Variants in KCNN1 observed in about 807,000 individuals in gnomAD.
KCNN1 encodes potassium calcium-activated channel subfamily N member 1.
KCNN1 carries 20 observed loss-of-function variants against 44.7 expected under a neutral mutation model. The ratio of observed to expected loss-of-function variants is 0.45; its 90% CI spans 0.32 to 0.65. KCNN1 has a LOEUF of 0.65. Ranked by LOEUF, KCNN1 falls within the 30% of genes least tolerant of loss-of-function variation. The probability of loss-of-function intolerance (pLI) is 0.05; values close to 1 mark genes in which losing one functional copy is unlikely to be tolerated. For synonymous variants in KCNN1, 324 were observed against 341.7 expected (o/e 0.95, Z 0.57); for missense variants, 632 against 785.3 (o/e 0.80, Z 2.33).
chr19:17,998,273 C>G lies in KCNN1; in HGVS notation c.1499C>G (p.Pro500Arg). 6.4e-7 allele frequency: 1 copy of G among 1,556,708 alleles called. No individual in the cohort carries two copies. Among genetic ancestry groups the G allele is most frequent in the Non-Finnish European group, 8.7e-7 (1 of 1,154,940 alleles). The change falls in exon 10 of 10, where the codon CCT becomes CGT. Residue 500 changes from proline to arginine, a missense_variant. Pro to Arg is a moderately radical substitution (Grantham distance 103). This residue lies in a region of KCNN1 where 237 missense variants were observed against 253.0 expected (regional missense o/e 0.94). Transcript: ENST00000684775. The surrounding 1 kb of genome is among the most constrained non-coding windows in gnomAD (Gnocchi z 5.4). ...CTGGGTGCCTCTCTACAGGCCCTGC[C>G]TGGCCTCATCGCCCAAGCCATACGC... ...DALGASLQAL[P>R]GLIAQAIRPP...
Position 17,993,382 on chromosome 19 carries a change from A to C in KCNN1, c.1308-108A>C. ...CTCCCAACTCCCACCTCATCCTCTG[A>C]TGCATGTCCCATAGGTGACCCCGGG... is the stretch of plus-strand genomic sequence containing the variant. On this transcript the variant is annotated intron_variant, in intron 8 of 9. Transcript: ENST00000684775. This position sits in a 1 kb window ranked among gnomAD's most constrained non-coding sequence, Gnocchi z 4.5. 1 of 795,544 alleles carries C rather than the reference A, an allele frequency of 1.3e-6. No homozygotes were observed. 49.3% of individuals were successfully genotyped at this position (795,544 alleles called of 1,614,324 possible). A position where few individuals can be genotyped will look rare whatever the true frequency, so the allele number is the denominator to read the frequency against.
intron 3 of KCNN1, among the ~76,000 whole-genome samples, chr19:17,976,167 C>T (rs1039108708): frequency 2.0e-5 from 3 of 151,916 alleles, no homozygotes; most frequent in Non-Finnish European, 2.9e-5. Context: ...ATTAGCCAGG[C>T]ATGATATCGG....
chr19:17,956,401 G>T (rs371979711), intron 2 of KCNN1, among the ~76,000 whole-genome samples: 1 of 152,214 alleles, frequency 6.6e-6, no homozygotes, highest in African/African-American at 2.4e-5. Flanking sequence ...AAGGACAAAG[G>T]CCAGCCCAGG....
At chr19:17,976,454 G>A (rs1208690493) in intron 3 of KCNN1, among the ~76,000 whole-genome samples, 6 of 146,910 alleles carry the variant, frequency 4.1e-5, no homozygotes, top group Non-Finnish European at 1.5e-5. Flanking sequence ...TTTCACTGTT[G>A]TTGTCCAGGC....
chr19:17,964,228 C>T (rs765097832), upstream of KCNN1, among the ~76,000 whole-genome samples: 3 of 152,216 alleles, frequency 2.0e-5, no homozygotes, highest in Non-Finnish European at 2.9e-5. This position sits in a 1 kb window ranked among gnomAD's most constrained non-coding sequence, Gnocchi z 4.3. Context: ...AGCTTCCATC[C>T]GGGCAGTCCG....
chr19:17,996,714 G>T (rs1475731008), intron 9 of KCNN1, among the ~76,000 whole-genome samples: 1 of 152,272 alleles, frequency 6.6e-6, no homozygotes, highest in Non-Finnish European at 1.5e-5. Flanking sequence ...TGGCTCTAGG[G>T]ACTGTGGTGC....
chr19:17,958,480 CTTTT>C (rs71164331), intron 2 of KCNN1, among the ~76,000 whole-genome samples: 1 of 99,562 alleles, frequency 1.0e-5, no homozygotes, highest in Non-Finnish European at 2.0e-5. Context: ...GACCCTGTCT[CTTTT>C]TTTTTTTTTT....
chr19:17,955,914 AGTTTTGTTTT>A (rs962258036), intron 2 of KCNN1, among the ~76,000 whole-genome samples: 1 of 144,850 alleles, frequency 6.9e-6, no homozygotes, highest in African/African-American at 2.6e-5. Flanking sequence ...TTTTTTTTTT[AGTTTTGTTTT>A]GTTTTGTTTT....
upstream of KCNN1, among the ~76,000 whole-genome samples, chr19:17,965,045 G>T (rs1032147801): frequency 6.6e-6 from 1 of 152,014 alleles, no homozygotes; most frequent in South Asian, 2.1e-4. Flanking sequence ...GGAGTGGATC[G>T]CTTGAGGTTA....
At chr19:17,991,080 C>T (rs559717731) in intron 7 of KCNN1, among the ~76,000 whole-genome samples, 1 of 150,952 alleles carries the variant, frequency 6.6e-6, no homozygotes, top group East Asian at 1.9e-4. Context: ...TTTGGGAGGC[C>T]AAGGAGGGAA....
Position 17,998,116 on chromosome 19 carries a change from C to T in KCNN1, c.1378-36C>T, listed in dbSNP as rs59641780. 11 of 1,536,016 alleles carry T rather than the reference C, an allele frequency of 7.2e-6. No individual in the cohort carries two copies. Among genetic ancestry groups the T allele is most frequent in the African/African-American group, 4.1e-5 (3 of 73,046 alleles). On this transcript the variant is annotated intron_variant, in intron 9 of 9. Coordinates refer to ENST00000684775, the MANE Select transcript of KCNN1 (RefSeq NM_001386974.1). This position sits in a 1 kb window ranked among gnomAD's most constrained non-coding sequence, Gnocchi z 5.4. ...TATCGTCCTTTCCTCTCTCACTCAGCGGCGCCTCTCTCCTGCCCCTCTCTG... is the reference window on the plus strand; with the variant it reads ...TATCGTCCTTTCCTCTCTCACTCAGTGGCGCCTCTCTCCTGCCCCTCTCTG...
upstream of KCNN1, among the ~76,000 whole-genome samples, chr19:17,962,938 T>C (rs2031715417): frequency 6.6e-6 from 1 of 150,850 alleles, no homozygotes; most frequent in South Asian, 2.1e-4. Flanking sequence ...CCTGACCTCA[T>C]GATCCGCCTG....
At position 17,986,108 on chromosome 19, in the gene KCNN1, G is replaced by A. The variant is rs144964641; in HGVS notation, c.1059+655G>A. On this transcript the variant is annotated intron_variant, in intron 5 of 9. Coordinates refer to ENST00000684775, the MANE Select transcript of KCNN1 (RefSeq NM_001386974.1). ...TAGCCGGGAGTGGTGGCTCACACCT[G>A]TAATCCCAGTACTTTGGGAGGCCAA... is the stretch of plus-strand genomic sequence containing the variant. 3.4e-3 allele frequency among the ~76,000 whole-genome samples: 523 copies of A among 152,244 alleles called. 3 individuals carry two copies. The highest frequency in any genetic ancestry group is 5.4e-3 in the Non-Finnish European group (368 of 68,026).
At chr19:17,953,416 T>C (rs977057644) in intron 1 of KCNN1, among the ~76,000 whole-genome samples, 1 of 152,216 alleles carries the variant, frequency 6.6e-6, no homozygotes, top group African/African-American at 2.4e-5. Flanking sequence ...ATTGCCCCGA[T>C]CCCAGGTCCT....
upstream of KCNN1, chr19:17,967,062 C>T (rs1807737550): frequency 2.1e-6 from 2 of 959,876 alleles, no homozygotes; most frequent in South Asian, 9.6e-5. Context: ...GGCCAATCGG[C>T]GGCGGCTCCC....
intron 9 of KCNN1, among the ~76,000 whole-genome samples, chr19:17,994,630 G>A (rs759048956): frequency 6.6e-6 from 1 of 151,742 alleles, no homozygotes; most frequent in Non-Finnish European, 1.5e-5. Flanking sequence ...TGCAACTTCC[G>A]CCTCCCGGGT....
At chr19:17,967,414 G>T in intron 1 of KCNN1, 97 bp downstream of exon 1, 1 of 629,546 alleles carries the variant, frequency 1.6e-6, no homozygotes, top group Non-Finnish European at 2.0e-6. Flanking sequence ...ACGCGGTTTG[G>T]GGCAGGGGCC....
chr19:17,970,994 C>A (rs958781703), intron 1 of KCNN1, among the ~76,000 whole-genome samples: 2 of 151,768 alleles, frequency 1.3e-5, no homozygotes, highest in African/African-American at 4.8e-5. Context: ...AGCTATTCTC[C>A]TGCCTCAGCC....
rs148866923 is a variant in KCNN1, at chr19:17,976,708, G to A, written c.498+1521G>A. On this transcript the variant is annotated intron_variant, in intron 3 of 9. Coordinates refer to ENST00000684775, the MANE Select transcript of KCNN1 (RefSeq NM_001386974.1). ...GCTGGGATTACAGGTGTGAGCCACC[G>A]CGCCCAGCATAACCTTTTTTTTTTT... Among the ~76,000 whole-genome samples, 655 of 146,498 alleles carry A rather than the reference G, an allele frequency of 4.5e-3. 7 individuals are homozygous for A. The highest frequency in any genetic ancestry group is 0.015 in the African/African-American group (582 of 39,326).
Sources: allele counts gnomAD v4.1 joint callset (sites outside exome capture counted in the v4.1 genomes callset), GRCh38; gene constraint gnomAD v4.1.1; regional missense constraint gnomAD v4.1.1; non-coding constraint Gnocchi (gnomAD v3.1); transcripts MANE v1.5; gene names NCBI Gene and HGNC (gene_info 2026-07-23, HGNC 2026-07-21).